Variants in SART3 observed in about 807,000 individuals in gnomAD.
SART3 encodes the protein HIV-1 Tat-interacting protein of 110kDa.
SART3 carries 44 observed loss-of-function variants against 122.3 expected under a neutral mutation model. The ratio of observed to expected loss-of-function variants is 0.36; its 90% CI spans 0.28 to 0.46. The LOEUF (loss-of-function observed/expected upper bound fraction) is 0.46. SART3 is among the 20% of genes least tolerant of loss of function. SART3 has a pLI of 1.00. For synonymous variants in SART3, 442 were observed against 454.0 expected (o/e 0.97, Z 0.34); for missense variants, 1,101 against 1,229.0 (o/e 0.90, Z 1.56).
intron 3 of SART3, among the ~76,000 whole-genome samples, chr12:108,547,174 A>G (rs1426584081): frequency 1.3e-5 from 2 of 152,210 alleles, no homozygotes; most frequent in African/African-American, 4.8e-5. Context: ...GTGGTCCCCA[A>G]TTCACATGGA....
chr12:108,530,018 C>A, intron 15 of SART3, 124 bp downstream of exon 15: 1 of 1,109,840 alleles, frequency 9.0e-7, no homozygotes, highest in Non-Finnish European at 1.4e-6. Context: ...TACACCCTAA[C>A]AGTGATCAAA....
chr12:108,524,553 G>T (rs2303632), intron 17 of SART3, 47 bp from the exon 18 acceptor site: 590,121 of 1,581,762 alleles, frequency 0.37, 116,949 homozygotes, highest in Non-Finnish European at 0.41. Context: ...GCAGACTAGG[G>T]ACGCAACCTC....
rs1872227555 is a variant in SART3, at chr12:108,523,532, T to A, written c.2817A>T (p.Ala939=). 1 of 1,613,682 alleles carries A rather than the reference T, an allele frequency of 6.2e-7. No homozygotes were observed. The change falls in exon 19 of 19, where the codon GCA becomes GCT. Residue 939 remains alanine (A), a synonymous_variant. Coordinates refer to ENST00000546815, the MANE Select transcript of SART3 (RefSeq NM_014706.4). ...QAENGPAAAP[A]VAAPAATEAP... is the part of the protein sequence containing the mutation. Reference sequence around the variant, plus strand: ...CCTCGGTGGCTGCTGGGGCGGCAACTGCAGGAGCCGCGGCAGGGCCGTTCT... The same window carrying A: ...CCTCGGTGGCTGCTGGGGCGGCAACAGCAGGAGCCGCGGCAGGGCCGTTCT...
Position 108,545,318 on chromosome 12 carries a change from T to G in SART3, c.550A>C (p.Asn184His), listed in dbSNP as rs1311097698. The G allele has an allele frequency of 6.2e-7, 1 of 1,614,118 alleles. No individual in the cohort carries two copies. The highest frequency in any genetic ancestry group is 1.7e-5 in the Admixed American group (1 of 60,018). The change falls in exon 4 of 19, where the codon AAC (asparagine) becomes CAC (histidine). Residue 184 changes from asparagine (N) to histidine (H), a missense_variant. By Grantham distance (68) the Asn-to-His change is moderately conservative (BLOSUM62 1). Around this residue, in one of 2 missense-constraint regions of SART3, gnomAD observed 885 missense variants for 1,080.1 expected, o/e 0.82. Transcript: ENST00000546815. ...EKAVKDYICPNIWLEYGQYSV... is the reference protein window; with the variant it reads ...EKAVKDYICPHIWLEYGQYSV... ...TACTGGCCATACTCTAGCCAAATGT[T>G]AGGACCTAAAAATAAGAAGTGTTCA...
chr12:108,537,803 C>A, intron 8 of SART3: 3 of 657,882 alleles, frequency 4.6e-6, no homozygotes, highest in Non-Finnish European at 5.2e-6. Flanking sequence ...CCACAAGACG[C>A]CCTGCAAGAA....
intron 3 of SART3, among the ~76,000 whole-genome samples, chr12:108,546,052 A>ACAG (rs1873402972): frequency 6.6e-6 from 1 of 152,144 alleles, no homozygotes; most frequent in Non-Finnish European, 1.5e-5. Flanking sequence ...TATAAACCAA[A>ACAG]AAACTGTGAA....
At chr12:108,559,039 G>GA (rs747479698) in intron 1 of SART3, among the ~76,000 whole-genome samples, 31,883 of 103,666 alleles carry the variant, frequency 0.31, 5,583 homozygotes, top group East Asian at 0.68. Flanking sequence ...TCTCAAAAAA[G>GA]AAAAAAAAAA....
intron 16 of SART3, chr12:108,525,879 GCA>G: frequency 1.6e-6 from 1 of 620,168 alleles, no homozygotes; most frequent in South Asian, 2.0e-5. Flanking sequence ...AAAGCATTCA[GCA>G]CAGTCCCTTG....
chr12:108,542,131 G>A (rs1873197032), intron 6 of SART3, among the ~76,000 whole-genome samples: 1 of 150,902 alleles, frequency 6.6e-6, no homozygotes, highest in African/African-American at 2.4e-5. Flanking sequence ...ATAGGCATAA[G>A]CCACTGTGCC....
intron 6 of SART3, among the ~76,000 whole-genome samples, chr12:108,542,450 G>C (rs1873210807): frequency 6.6e-6 from 1 of 152,116 alleles, no homozygotes; most frequent in Admixed American, 6.6e-5. Context: ...ATACACACAA[G>C]AATGTTCAGA....
At chr12:108,531,156 G>A in intron 14 of SART3, 48 bp downstream of exon 14, 5 of 1,487,880 alleles carry the variant, frequency 3.4e-6, no homozygotes, top group Non-Finnish European at 4.7e-6. Flanking sequence ...ACCAAACTGA[G>A]CCAAAATAGC....
chr12:108,524,549 T>A, intron 17 of SART3, 43 bp from the exon 18 acceptor site: 1 of 1,595,256 alleles, frequency 6.3e-7, no homozygotes, highest in Non-Finnish European at 8.6e-7. Context: ...TCCCGCAGAC[T>A]AGGGACGCAA....
In SART3 at chr12:108,536,717, C is replaced by A. The variant is rs1872921555; in HGVS notation, c.1378G>T (p.Val460Leu). 6.2e-7 allele frequency: 1 copy of A among 1,613,912 alleles called. No individual in the cohort carries two copies. The highest frequency in any genetic ancestry group is 1.7e-5 in the Admixed American group (1 of 60,004). Reference sequence around the variant, plus strand: ...GCTGGGGCATACTTACGCTCTTCCACCTCCTGCTTCAGATACTCCAAGGCA... The same window carrying A: ...GCTGGGGCATACTTACGCTCTTCCAACTCCTGCTTCAGATACTCCAAGGCA... ...TRALEYLKQE[V>L]EERFNESGDP... Residue 460 changes from valine (V) to leucine (L), a missense_variant, in exon 10 of 19, where the codon GTG becomes TTG. Val to Leu is a conservative substitution (Grantham distance 32, BLOSUM62 1). Coordinates refer to ENST00000546815, the MANE Select transcript of SART3 (RefSeq NM_014706.4).
At chr12:108,557,794 T>G (rs1379386355) in intron 1 of SART3, among the ~76,000 whole-genome samples, 1 of 152,190 alleles carries the variant, frequency 6.6e-6, no homozygotes, top group Non-Finnish European at 1.5e-5. Flanking sequence ...ACTTTTAATT[T>G]CAGCGCACAA....
intron 15 of SART3, among the ~76,000 whole-genome samples, chr12:108,528,110 G>A (rs1371297247): frequency 1.3e-5 from 2 of 152,100 alleles, no homozygotes; most frequent in African/African-American, 4.8e-5. Context: ...AAATAAATAT[G>A]ACCCAGAGCT....
chr12:108,526,309 C>T lies in SART3; in HGVS notation c.2160G>A (p.Thr720=), dbSNP rs751321190. 11 of 1,614,196 alleles carry T rather than the reference C, an allele frequency of 6.8e-6. No individual in the cohort carries two copies. The highest frequency in any genetic ancestry group is 9.3e-6 in the Non-Finnish European group (11 of 1,180,026). Residue 720 remains threonine (T), a synonymous_variant, in exon 16 of 19, where the codon ACG becomes ACA. Coordinates refer to ENST00000546815, the MANE Select transcript of SART3 (RefSeq NM_014706.4). The part of the protein sequence containing the change: ...NLPYSMQEPD[T]KLRPLFEACG... ...AGGCCTCGAAGAGTGGCCTGAGCTT[C>T]GTGTCCGGCTCCTGCATGCTGTAGG...
chr12:108,545,014 C>T (rs1483263245), intron 4 of SART3, 125 bp downstream of exon 4: 4 of 1,019,600 alleles, frequency 3.9e-6, no homozygotes, highest in African/African-American at 3.2e-5. Context: ...AAGGGATTGG[C>T]AAAGACCATT....
chr12:108,523,726 A>C, intron 18 of SART3, 92 bp from the exon 19 acceptor site: 5 of 1,102,296 alleles, frequency 4.5e-6, no homozygotes, highest in South Asian at 1.3e-5. Context: ...TTTTAATATA[A>C]CCAGAAGTTA....
intron 7 of SART3, 132 bp from the exon 8 acceptor site, chr12:108,538,335 C>A: frequency 2.3e-5 from 24 of 1,040,140 alleles, no homozygotes; most frequent in Admixed American, 1.0e-4. Context: ...GTTTCCTCAA[C>A]AACAACAAAA....
Sources: gnomAD v4.1 joint callset for allele counts (sites outside exome capture counted in the v4.1 genomes callset) on GRCh38, gnomAD v4.1.1 for gene constraint, gnomAD v4.1.1 regional missense constraint, MANE v1.5 for transcripts, NCBI Gene and HGNC (gene_info 2026-07-23, HGNC 2026-07-21) for gene names.